Variants in ABCC9 observed in about 807,000 individuals in gnomAD.
ABCC9 encodes the protein ATP-binding cassette sub-family C member 9.
Under a neutral mutation model 188.3 loss-of-function variants are expected in ABCC9, and 95 were observed. The observed-to-expected ratio is 0.50, with a 90% CI of 0.43 to 0.60. The LOEUF (loss-of-function observed/expected upper bound fraction) is 0.60. ABCC9 is among the 20% of genes least tolerant of loss of function. ABCC9 has a pLI of 0.00. For synonymous variants in ABCC9, 659 were observed against 652.7 expected (o/e 1.01, Z -0.15); for missense variants, 1,102 against 1,876.3 (o/e 0.59, Z 7.62).
intron 18 of ABCC9, among the ~76,000 whole-genome samples, chr12:21,869,407 C>T (rs1945949783): frequency 6.6e-6 from 1 of 152,190 alleles, no homozygotes; most frequent in Non-Finnish European, 1.5e-5. Context: ...TTCCCTCTTG[C>T]CTCTGTAATT....
intron 17 of ABCC9, among the ~76,000 whole-genome samples, chr12:21,873,422 CA>C (rs541924663): frequency 2.0e-5 from 3 of 151,466 alleles, no homozygotes; most frequent in African/African-American, 4.8e-5. Context: ...TTAACACAAA[CA>C]AAAAAAATGA....
At chr12:21,939,726 T>G (rs1437343194) in intron 2 of ABCC9, among the ~76,000 whole-genome samples, 2 of 152,206 alleles carry the variant, frequency 1.3e-5, no homozygotes, top group Non-Finnish European at 2.9e-5. Context: ...TATGCTCAGT[T>G]GTTTATGAGA....
chr12:21,833,226 C>G (rs556885155), intron 30 of ABCC9, among the ~76,000 whole-genome samples: 2 of 152,108 alleles, frequency 1.3e-5, no homozygotes, highest in East Asian at 1.9e-4. Flanking sequence ...CACTAAATAA[C>G]TTATCCATGT....
intron 20 of ABCC9, among the ~76,000 whole-genome samples, chr12:21,861,722 G>A (rs1181486961): frequency 2.6e-5 from 4 of 152,180 alleles, no homozygotes; most frequent in Admixed American, 2.6e-4. Context: ...AGAAAGTTGA[G>A]TAGTAAGTTT....
At chr12:21,881,659 T>C (rs1304979293) in intron 16 of ABCC9, among the ~76,000 whole-genome samples, 3 of 151,654 alleles carry the variant, frequency 2.0e-5, no homozygotes, top group African/African-American at 7.3e-5. Context: ...TATCTTTTCA[T>C]AGCCCCTAGT....
intron 12 of ABCC9, among the ~76,000 whole-genome samples, chr12:21,903,950 C>T (rs1192047937): frequency 6.6e-6 from 1 of 152,086 alleles, no homozygotes; most frequent in Admixed American, 6.5e-5. Context: ...CATATGGAAC[C>T]AAAAAAGAGC....
intron 22 of ABCC9, among the ~76,000 whole-genome samples, chr12:21,857,458 A>C (rs1222762728): frequency 6.6e-6 from 1 of 152,130 alleles, no homozygotes; most frequent in Non-Finnish European, 1.5e-5. Context: ...CTTTCCAATA[A>C]TAAGAGCTGT....
chr12:21,933,589 A>G (rs1017534972), intron 4 of ABCC9, among the ~76,000 whole-genome samples, 193 bp downstream of exon 4: 60 of 152,130 alleles, frequency 3.9e-4, no homozygotes, highest in Non-Finnish European at 6.5e-4. Flanking sequence ...AATGTAGACA[A>G]TCTTTCCATT....
intron 15 of ABCC9, among the ~76,000 whole-genome samples, chr12:21,886,481 G>C (rs1946879922): frequency 6.6e-6 from 1 of 151,938 alleles, no homozygotes. Flanking sequence ...TGGACCAAAA[G>C]CTCTAATTCT....
At position 21,800,234 on chromosome 12, in the gene ABCC9, C is replaced by T. The variant is rs901463516; in HGVS notation, c.*810G>A. 6.6e-6 allele frequency: 1 copy of T among 152,148 alleles called. No individual in the cohort carries two copies. The highest frequency in any genetic ancestry group is 1.5e-5 in the Non-Finnish European group (1 of 68,024). The allele number at this position is 152,148 out of a possible 1,614,324, so 9.4% of individuals were successfully genotyped here. On this transcript the variant is annotated 3_prime_UTR_variant, in exon 40 of 40. Transcript: ENST00000261200. The stretch of plus-strand genomic sequence containing the variant: ...TCTTGAGTAATGTGGCATGTTAGGG[C>T]TCAAGATCATAACCACAGCTAATCA...
At chr12:21,860,524 A>G (rs1945452419) in intron 21 of ABCC9, among the ~76,000 whole-genome samples, 1 of 152,218 alleles carries the variant, frequency 6.6e-6, no homozygotes, top group Non-Finnish European at 1.5e-5. Context: ...TTATAGGTAT[A>G]ACTATTTTTC....
chr12:21,887,834 T>G lies in ABCC9; in HGVS notation c.1903A>C (p.Thr635Pro). The G allele has an allele frequency of 6.2e-7, 1 of 1,609,706 alleles. No homozygotes were observed. The highest frequency in any genetic ancestry group is 1.7e-4 in the Middle Eastern group (1 of 6,052). ...SLPFESCKKH[T>P]GVQPKTINRK... Reference sequence around the variant, plus strand: ...AAAAATAAAGCACTTACAACTCCAGTGTGCTTCTTACAGGACTCAAAAGGA... The same window carrying G: ...AAAAATAAAGCACTTACAACTCCAGGGTGCTTCTTACAGGACTCAAAAGGA... The change falls in exon 15 of 40, where the codon ACT (threonine) becomes CCT (proline). Residue 635 changes from threonine (T) to proline (P), a missense_variant. Transcript: ENST00000261200.
At position 21,806,454 on chromosome 12, in the gene ABCC9, T is replaced by G. The variant is rs549808562; in HGVS notation, c.4450-394A>C. On this transcript the variant is annotated intron_variant, in intron 38 of 39. Coordinates refer to ENST00000261200, the MANE Select transcript of ABCC9 (RefSeq NM_020297.4). ...AAAAACTAAAATTGATGCCAAAAAT[T>G]TGGACTTTGACACATAAATGGACAT... Among the ~76,000 whole-genome samples the G allele has an allele frequency of 1.1e-3, 160 of 152,236 alleles. 3 individuals carry two copies. The South Asian group carries it at 0.032, about 30-fold the overall frequency.
rs138428457 is a variant in ABCC9 at position 21,887,334 on chromosome 12, AT to A, written c.1911+491del. On this transcript the variant is annotated intron_variant, in intron 15 of 39. Coordinates refer to ENST00000261200, the MANE Select transcript of ABCC9 (RefSeq NM_020297.4). ...TACCACTTAGTAATCTTATGACTTT[AT>A]TTGAGCCTCATGACATGCAAAATAA... 2.8e-3 allele frequency among the ~76,000 whole-genome samples: 430 copies of A among 152,272 alleles called. 1 individual carries two copies. Among genetic ancestry groups the A allele is most frequent in the Non-Finnish European group, 4.6e-3 (313 of 67,998 alleles).
rs1060503053 is a variant in ABCC9 at position 21,815,804 on chromosome 12, C to T, written c.3982G>A (p.Val1328Ile). Residue 1328 changes from valine (V) to isoleucine (I), a missense_variant, in exon 34 of 40, where the codon GTT (valine) becomes ATT (isoleucine). Val to Ile is a conservative substitution (Grantham distance 29). Transcript: ENST00000261200. ...ATGTAAGCCTTGACGTGCTTAAGAA[C>T]AGGTTTCAGATTATTTTCATATCTG... is the stretch of plus-strand genomic sequence containing the variant. Reference protein sequence around the residue: ...CVRYENNLKPVLKHVKAYIKP... With the variant: ...CVRYENNLKPILKHVKAYIKP... 2 of 1,613,334 alleles carry T rather than the reference C, an allele frequency of 1.2e-6. No individual in the cohort carries two copies. The highest frequency in any genetic ancestry group is 1.7e-6 in the Non-Finnish European group (2 of 1,179,644).
chr12:21,848,359 C>T (rs1944791700), intron 24 of ABCC9, 113 bp from the exon 25 acceptor site: 1 of 895,586 alleles, frequency 1.1e-6, no homozygotes, highest in African/African-American at 1.7e-5. Flanking sequence ...CTCAAGCGCT[C>T]TGTGCTCACT....
chr12:21,845,909 T>A, intron 25 of ABCC9, 77 bp from the exon 26 acceptor site: 1 of 1,042,490 alleles, frequency 9.6e-7, no homozygotes, highest in Non-Finnish European at 1.5e-6. Context: ...ACAAATAGTA[T>A]ATAAACATTC....
chr12:21,853,765 T>C (rs1945085927), intron 22 of ABCC9, among the ~76,000 whole-genome samples: 1 of 152,008 alleles, frequency 6.6e-6, no homozygotes, highest in African/African-American at 2.4e-5. Flanking sequence ...GAAAGCAAAG[T>C]GACCTGAAGG....
intron 16 of ABCC9, among the ~76,000 whole-genome samples, chr12:21,881,431 G>A (rs753387986): frequency 6.6e-6 from 1 of 152,032 alleles, no homozygotes; most frequent in Non-Finnish European, 1.5e-5. Context: ...TGCATGAATG[G>A]TCAATTTTGG....
Sources: allele counts gnomAD v4.1 joint callset (sites outside exome capture counted in the v4.1 genomes callset), GRCh38; gene constraint gnomAD v4.1.1; transcripts MANE v1.5; gene names NCBI Gene and HGNC (gene_info 2026-07-23, HGNC 2026-07-21).